CALCRL: variants seen among roughly 807,000 people sequenced by gnomAD.
CALCRL encodes the protein calcitonin gene-related peptide type 1 receptor.
CALCRL carries 27 observed loss-of-function variants against 60.4 expected under a neutral mutation model. The ratio of observed to expected loss-of-function variants is 0.45; its 90% CI spans 0.33 to 0.62. The LOEUF (loss-of-function observed/expected upper bound fraction) is 0.62, where lower values mean the gene tolerates loss of function less well. Ranked by LOEUF, CALCRL falls within the 20% of genes least tolerant of loss-of-function variation. The pLI, the probability that CALCRL is intolerant of heterozygous loss-of-function variation, is 0.03. For missense variants in CALCRL, 424 were observed against 540.7 expected (o/e 0.78, Z 2.14); for synonymous variants, 190 against 182.6 (o/e 1.04, Z -0.33).
intron 5 of CALCRL, 135 bp from the exon 6 acceptor site, chr2:187,380,922 T>C: frequency 2.3e-6 from 1 of 441,384 alleles, no homozygotes; most frequent in Non-Finnish European, 4.0e-6. Flanking sequence ...TGAAAATCTA[T>C]ATATAGAAAT....
In CALCRL at chr2:187,342,382, T is replaced by G. The variant is rs890218326; in HGVS notation, c.*3802A>C. Among the ~76,000 whole-genome samples, 2 of 151,714 alleles carry G rather than the reference T, an allele frequency of 1.3e-5. No individual in the cohort carries two copies. Among genetic ancestry groups the G allele is most frequent in the Non-Finnish European group, 3.0e-5 (2 of 67,704 alleles). On this transcript the variant is annotated 3_prime_UTR_variant, in exon 15 of 15. Transcript: ENST00000392370. The stretch of plus-strand genomic sequence containing the variant: ...TCTACTAATATACTAAAAACTGCTT[T>G]GAATATGAAGTATTATATGATATGT...
Position 187,448,092 on chromosome 2 carries a change from A to C in CALCRL, c.-346T>G, listed in dbSNP as rs1272940853. On this transcript the variant is annotated 5_prime_UTR_variant, in exon 1 of 15. Coordinates refer to ENST00000392370, the MANE Select transcript of CALCRL (RefSeq NM_005795.6). ...TGAAATATTCTCAGGATGGAACTTT[A>C]CTTTCTGAGATTCCGCAGAAGAGAT... 1 of 152,116 alleles carries C rather than the reference A, an allele frequency of 6.6e-6. No homozygotes were observed. Among genetic ancestry groups the C allele is most frequent in the Non-Finnish European group, 1.5e-5 (1 of 68,012 alleles). The allele number at this position is 152,116 out of a possible 1,614,324, so 9.4% of individuals were successfully genotyped here.
At chr2:187,427,722 T>C (rs1690207384) in intron 1 of CALCRL, among the ~76,000 whole-genome samples, 1 of 151,940 alleles carries the variant, frequency 6.6e-6, no homozygotes, top group Non-Finnish European at 1.5e-5. Context: ...GGGGAAGAAT[T>C]CTCCTCTCCA....
In CALCRL at chr2:187,409,313, A is replaced by T. The variant is rs373874579; in HGVS notation, c.-292-21557T>A. Reference sequence around the variant, plus strand: ...GATCAATAAAGGAAACGTTATTAAGATCTAAACATCTGTCAGAAGATATTT... The same window carrying T: ...GATCAATAAAGGAAACGTTATTAAGTTCTAAACATCTGTCAGAAGATATTT... On this transcript the variant is annotated intron_variant, in intron 1 of 14. Coordinates refer to ENST00000392370, the MANE Select transcript of CALCRL (RefSeq NM_005795.6). Among the ~76,000 whole-genome samples the T allele has an allele frequency of 2.2e-3, 334 of 152,332 alleles. 4 individuals are homozygous for T. The highest frequency in any genetic ancestry group is 7.6e-3 in the African/African-American group (314 of 41,584).
chr2:187,358,731 T>G (rs1313907060), intron 12 of CALCRL, among the ~76,000 whole-genome samples: 1 of 152,138 alleles, frequency 6.6e-6, no homozygotes, highest in Non-Finnish European at 1.5e-5. Context: ...TGGCAGTGGT[T>G]GTTTTTCTCT....
intron 1 of CALCRL, among the ~76,000 whole-genome samples, chr2:187,416,850 T>C (rs948225915): frequency 2.6e-5 from 4 of 152,112 alleles, no homozygotes; most frequent in Non-Finnish European, 5.9e-5. Context: ...TAAAGACCTA[T>C]AATCAGGCAT....
chr2:187,399,853 A>G (rs1294301782), intron 1 of CALCRL, among the ~76,000 whole-genome samples: 1 of 151,528 alleles, frequency 6.6e-6, no homozygotes, highest in Non-Finnish European at 1.5e-5. Context: ...GAAAAGAAAG[A>G]TGAATACTGT....
At chr2:187,396,598 C>A (rs577368919) in intron 1 of CALCRL, among the ~76,000 whole-genome samples, 128 of 151,630 alleles carry the variant, frequency 8.4e-4, no homozygotes, top group Middle Eastern at 3.4e-3. Flanking sequence ...CTAAACTCAA[C>A]AAAGTAATTT....
chr2:187,419,419 G>A (rs1253237013), intron 1 of CALCRL, among the ~76,000 whole-genome samples: 1 of 152,082 alleles, frequency 6.6e-6, no homozygotes, highest in African/African-American at 2.4e-5. Context: ...GAGGCCTGAG[G>A]AGAATCCACA....
At chr2:187,411,304 C>T (rs149789294) in intron 1 of CALCRL, among the ~76,000 whole-genome samples, 1 of 152,274 alleles carries the variant, frequency 6.6e-6, no homozygotes, top group East Asian at 1.9e-4. Context: ...GTAAATACTA[C>T]TAAATTGATT....
intron 10 of CALCRL, 72 bp downstream of exon 10, chr2:187,360,526 A>T (rs1687008944): frequency 1.5e-6 from 2 of 1,322,150 alleles, no homozygotes; most frequent in Non-Finnish European, 2.1e-6. Flanking sequence ...TATTCATATT[A>T]CAAAGGAACC....
In CALCRL at chr2:187,352,335, A is replaced by T; in HGVS notation, c.910-3T>A. On this transcript the variant is annotated splice_region_variant and splice_polypyrimidine_tract_variant and intron_variant, in intron 12 of 14. Coordinates refer to ENST00000392370, the MANE Select transcript of CALCRL (RefSeq NM_005795.6). ...TTTAACAAGAAAAAAAGATTCACCT[A>T]AAAACGAAATTAAATGGCATCTGAA... 1 of 1,571,336 alleles carries T rather than the reference A, an allele frequency of 6.4e-7. No individual in the cohort carries two copies. Among genetic ancestry groups the T allele is most frequent in the Non-Finnish European group, 8.7e-7 (1 of 1,143,652 alleles).
At position 187,427,486 on chromosome 2, in the gene CALCRL, ATAAG is replaced by A. The variant is rs988955788; in HGVS notation, c.-293+20549_-293+20552del. Among the ~76,000 whole-genome samples, 7 of 152,300 alleles carry A rather than the reference ATAAG, an allele frequency of 4.6e-5. No individual in the cohort carries two copies. The South Asian group carries it at 6.2e-4, about 14-fold the overall frequency. ...AAAACAAATTTGAAAAGAAAAAATG[ATAAG>A]TAAAGAATTTCATGAAGGTATTATC... On this transcript the variant is annotated intron_variant, in intron 1 of 14. Coordinates refer to ENST00000392370, the MANE Select transcript of CALCRL (RefSeq NM_005795.6).
chr2:187,361,232 A>C (rs1294878684), intron 9 of CALCRL, among the ~76,000 whole-genome samples: 1 of 152,024 alleles, frequency 6.6e-6, no homozygotes. Context: ...AAATAATCTA[A>C]TACATCCATA....
In CALCRL at chr2:187,385,611, A is replaced by T. The variant is rs1266612895; in HGVS notation, c.-16T>A. 4.5e-6 allele frequency: 7 copies of T among 1,550,696 alleles called. No individual in the cohort carries two copies. The highest frequency in any genetic ancestry group is 6.2e-6 in the Non-Finnish European group (7 of 1,134,464). ...TTTTCTCCATCATTAAGCCAAAATG[A>T]AATATGCTGTATAACATAAACTGCA... On this transcript the variant is annotated 5_prime_UTR_variant, in exon 4 of 15. Coordinates refer to ENST00000392370, the MANE Select transcript of CALCRL (RefSeq NM_005795.6).
chr2:187,350,585 A>C (rs889060178), intron 14 of CALCRL, among the ~76,000 whole-genome samples: 1 of 150,996 alleles, frequency 6.6e-6, no homozygotes, highest in African/African-American at 2.4e-5. Context: ...AAATAATAAT[A>C]ATATAAATAA....
chr2:187,411,865 G>A (rs1464775704), intron 1 of CALCRL, among the ~76,000 whole-genome samples: 5 of 151,390 alleles, frequency 3.3e-5, no homozygotes, highest in South Asian at 2.1e-4. Flanking sequence ...GCGTGGTGGC[G>A]GGTGCCTGTA....
intron 1 of CALCRL, among the ~76,000 whole-genome samples, chr2:187,426,547 T>G (rs902112748): frequency 6.6e-6 from 1 of 152,084 alleles, no homozygotes; most frequent in Non-Finnish European, 1.5e-5. Context: ...ATTACCTATT[T>G]ATACCTCTAC....
At chr2:187,443,604 C>T (rs1295680329) in intron 1 of CALCRL, among the ~76,000 whole-genome samples, 1 of 151,534 alleles carries the variant, frequency 6.6e-6, no homozygotes, top group Admixed American at 6.6e-5. Context: ...GTAGAAAAGA[C>T]AGAAACAAAT....
Sources: allele counts gnomAD v4.1 joint callset (sites outside exome capture counted in the v4.1 genomes callset), GRCh38; gene constraint gnomAD v4.1.1; transcripts MANE v1.5; gene names NCBI Gene and HGNC (gene_info 2026-07-23, HGNC 2026-07-21).